The following STK3 variants were observed in gnomAD, a reference collection of about 807,000 sequenced individuals.
STK3 encodes serine/threonine kinase 3.
In STK3, 41 loss-of-function variants were observed where a neutral mutation model predicts 58.0. That is an observed-to-expected ratio of 0.71 (90% CI 0.55 to 0.92). The LOEUF (loss-of-function observed/expected upper bound fraction) is 0.92. Among genes scored for constraint, STK3 ranks in the 40% least tolerant of loss-of-function variants. The probability of loss-of-function intolerance (pLI) is 0.00; values close to 1 mark genes in which losing one functional copy is unlikely to be tolerated. For missense variants in STK3, 479 were observed against 602.7 expected (o/e 0.79, Z 2.15); for synonymous variants, 170 against 191.0 (o/e 0.89, Z 0.91).
intron 1 of STK3, among the ~76,000 whole-genome samples, chr8:98,447,865 TA>T (rs1183552082): frequency 6.7e-6 from 1 of 148,992 alleles, no homozygotes; most frequent in African/African-American, 2.4e-5. Context: ...AGCAACCCAT[TA>T]GATTACTCTG....
intron 6 of STK3, among the ~76,000 whole-genome samples, chr8:98,607,675 C>T (rs566952518): frequency 2.0e-5 from 3 of 152,074 alleles, no homozygotes; most frequent in Non-Finnish European, 2.9e-5. Flanking sequence ...TGAACTACAG[C>T]TTTTTTCATG....
chr8:98,573,885 G>A (rs955948763), intron 8 of STK3, among the ~76,000 whole-genome samples: 1 of 151,858 alleles, frequency 6.6e-6, no homozygotes, highest in Admixed American at 6.6e-5. Context: ...TATAATCACG[G>A]CACAAGGCAA....
chr8:98,780,339 A>G (rs1832007582), intron 1 of STK3, among the ~76,000 whole-genome samples: 1 of 152,056 alleles, frequency 6.6e-6, no homozygotes, highest in Admixed American at 6.5e-5. Context: ...CCAATCTGTG[A>G]TGAAAACTTA....
chr8:98,701,790 T>G, intron 6 of STK3, among the ~76,000 whole-genome samples: 1 of 152,134 alleles, frequency 6.6e-6, no homozygotes, highest in East Asian at 1.9e-4. Flanking sequence ...ACTAAATTTT[T>G]TTAACTATTC....
intron 10 of STK3, among the ~76,000 whole-genome samples, chr8:98,510,676 G>GT (rs201048592): frequency 0.029 from 4,466 of 152,082 alleles, 104 homozygotes; most frequent in South Asian, 0.063. Context: ...TTATAAATAA[G>GT]TATGTTTTAA....
intron 6 of STK3, among the ~76,000 whole-genome samples, chr8:98,620,696 C>A (rs1440448058): frequency 6.6e-6 from 1 of 151,156 alleles, no homozygotes; most frequent in South Asian, 2.1e-4. Flanking sequence ...GAGTAGAAAT[C>A]AATACAATTT....
intron 10 of STK3, among the ~76,000 whole-genome samples, chr8:98,505,796 T>C (rs567589054): frequency 2.0e-5 from 3 of 152,254 alleles, no homozygotes; most frequent in African/African-American, 7.2e-5. Context: ...TCTGGCTGTG[T>C]GAGGTGTCAG....
At chr8:98,399,168 C>T (rs915011266), downstream of STK3, among the ~76,000 whole-genome samples, 3 of 152,186 alleles carry the variant, frequency 2.0e-5, no homozygotes, top group East Asian at 3.9e-4. Context: ...TGACTCACCC[C>T]CACCCAGAGT....
intron 3 of STK3, among the ~76,000 whole-genome samples, chr8:98,415,652 G>A (rs948921384): frequency 1.3e-5 from 2 of 151,978 alleles, no homozygotes; most frequent in African/African-American, 2.4e-5. Context: ...CTGAAATGTG[G>A]GTAAATTTTA....
intron 3 of STK3, among the ~76,000 whole-genome samples, chr8:98,839,073 G>A (rs553236324): frequency 2.0e-5 from 3 of 151,116 alleles, no homozygotes; most frequent in African/African-American, 7.3e-5. Context: ...TTGAGACAAG[G>A]TCTCACTCTG....
intron 10 of STK3, among the ~76,000 whole-genome samples, chr8:98,516,901 C>T (rs1455977305): frequency 6.6e-6 from 1 of 151,896 alleles, no homozygotes; most frequent in Non-Finnish European, 1.5e-5. Flanking sequence ...CATTTGCATT[C>T]TCAAATTAAG....
chr8:98,595,814 T>C (rs993131686), intron 7 of STK3: 1 of 431,196 alleles, frequency 2.3e-6, no homozygotes, highest in African/African-American at 2.0e-5. Context: ...CAAAGATTCC[T>C]TTCTGAAAGG....
intron 10 of STK3, among the ~76,000 whole-genome samples, chr8:98,490,904 T>C (rs1056816218): frequency 1.3e-5 from 2 of 152,234 alleles, no homozygotes; most frequent in Non-Finnish European, 2.9e-5. Flanking sequence ...GCCTGATTTT[T>C]AGTAAATCTT....
Position 98,767,313 on chromosome 8 carries a change from TA to T in STK3, c.165del (p.Lys56AsnfsTer12). The T allele has an allele frequency of 2.5e-6, 4 of 1,611,996 alleles. No homozygotes were observed. Among genetic ancestry groups the T allele is most frequent in the Non-Finnish European group, 3.4e-6 (4 of 1,179,512 alleles). On this transcript the variant is annotated frameshift_variant, in exon 3 of 11. Transcript: ENST00000419617. LOFTEE classifies it high-confidence loss of function. ...AGATCTGATTCAACAGGTACTTGTT[TA>T]ATTGCGACAACTTGACCGGATTCCT... ...IHKESGQVVA[I>X]KQVPVESDLQ...
At chr8:98,664,894 C>T (rs1461593292) in intron 6 of STK3, among the ~76,000 whole-genome samples, 1 of 151,494 alleles carries the variant, frequency 6.6e-6, no homozygotes, top group Non-Finnish European at 1.5e-5. Flanking sequence ...GAGCAAAACT[C>T]CGTCTCAATT....
intron 3 of STK3, among the ~76,000 whole-genome samples, chr8:98,424,770 G>GA (rs1341025507): frequency 3.9e-5 from 6 of 152,218 alleles, no homozygotes; most frequent in Non-Finnish European, 8.8e-5. Flanking sequence ...AAATGCAGCA[G>GA]AAAAAGGTGA....
intron 3 of STK3, among the ~76,000 whole-genome samples, chr8:98,870,685 G>A (rs992702438): frequency 2.0e-5 from 3 of 151,966 alleles, no homozygotes; most frequent in African/African-American, 7.3e-5. Flanking sequence ...TTTTTGTTGG[G>A]GTTGTTTGAT....
intron 10 of STK3, among the ~76,000 whole-genome samples, chr8:98,503,015 T>C (rs1278941880): frequency 6.6e-6 from 1 of 152,226 alleles, no homozygotes; most frequent in African/African-American, 2.4e-5. Flanking sequence ...AGAATTAGGC[T>C]GTGAATCTGT....
chr8:98,928,204 G>A (rs1839875043), intron 1 of STK3, among the ~76,000 whole-genome samples: 2 of 152,192 alleles, frequency 1.3e-5, no homozygotes, highest in Non-Finnish European at 1.5e-5. Context: ...CCCTGCTTCA[G>A]TTGACGGTCT....
Sources: allele counts gnomAD v4.1 joint callset (sites outside exome capture counted in the v4.1 genomes callset), GRCh38; gene constraint gnomAD v4.1.1; transcripts MANE v1.5; gene names NCBI Gene and HGNC (gene_info 2026-07-23, HGNC 2026-07-21).